BACH2: variants seen among roughly 807,000 people sequenced by gnomAD.
BACH2 encodes the protein transcription regulator protein BACH2.
A neutral mutation model predicts 61.8 loss-of-function variants in BACH2; 5 were observed. The ratio of observed to expected loss-of-function variants is 0.08; its 90% CI spans 0.04 to 0.17. BACH2 has a LOEUF of 0.17. Among genes scored for constraint, BACH2 ranks in the 10% least tolerant of loss-of-function variants. The pLI, the probability that BACH2 is intolerant of heterozygous loss-of-function variation, is 1.00. For synonymous variants in BACH2, 446 were observed against 440.1 expected (o/e 1.01, Z -0.17); for missense variants, 824 against 1,091.1 (o/e 0.76, Z 3.45).
intron 3 of BACH2, among the ~76,000 whole-genome samples, chr6:90,235,960 A>C (rs1562519765): frequency 6.6e-6 from 1 of 152,272 alleles, no homozygotes; most frequent in African/African-American, 2.4e-5. Flanking sequence ...TGCAAGTCAC[A>C]TCTCTCAAAA....
In BACH2 at chr6:90,092,280, TA is replaced by T. The variant is rs200675044; in HGVS notation, c.-161-3172del. ...CTGTGCAATTGGCACACTGTCAAAG[TA>T]AAAAAAAAAAATATATATATATATA... On this transcript the variant is annotated intron_variant, in intron 4 of 8. Coordinates refer to ENST00000257749, the MANE Select transcript of BACH2 (RefSeq NM_021813.4). 5.7e-3 allele frequency among the ~76,000 whole-genome samples: 438 copies of T among 77,204 alleles called. 13 individuals carry two copies. In the East Asian group the frequency reaches 0.06, roughly 11 times the overall value. The allele number at this position is 77,204 out of a possible 152,430, so 50.6% of individuals were successfully genotyped here. A position where few individuals can be genotyped will look rare whatever the true frequency, so the allele number is the denominator to read the frequency against.
chr6:90,016,891 T>A (rs1034314965), intron 5 of BACH2, among the ~76,000 whole-genome samples: 2 of 152,088 alleles, frequency 1.3e-5, no homozygotes, highest in African/African-American at 2.4e-5. Context: ...AAATCTGTCA[T>A]CCTCATCTTT....
intron 7 of BACH2, among the ~76,000 whole-genome samples, chr6:89,949,710 C>T (rs963240571): frequency 4.6e-5 from 7 of 152,066 alleles, no homozygotes; most frequent in African/African-American, 7.2e-5. Context: ...CTGTGATGAC[C>T]CCAGGACCGG....
intron 6 of BACH2, among the ~76,000 whole-genome samples, chr6:89,980,238 G>A (rs1000479584): frequency 2.0e-5 from 3 of 151,742 alleles, no homozygotes; most frequent in African/African-American, 4.8e-5. Flanking sequence ...AGGTTGCAGT[G>A]AGCCGAGATC....
intron 1 of BACH2, among the ~76,000 whole-genome samples, chr6:90,272,560 T>C (rs1277891538): frequency 6.6e-6 from 1 of 152,218 alleles, no homozygotes; most frequent in African/African-American, 2.4e-5. Context: ...CTTCATTTCT[T>C]GCTGCAACAC....
chr6:89,932,715 G>T lies in BACH2; in HGVS notation c.2219C>A (p.Thr740Lys). 6.2e-7 allele frequency: 1 copy of T among 1,614,162 alleles called. No homozygotes were observed. Among genetic ancestry groups the T allele is most frequent in the Non-Finnish European group, 8.5e-7 (1 of 1,180,034 alleles). Residue 740 changes from threonine to lysine, a missense_variant, in exon 9 of 9, where the codon ACG becomes AAG. Physicochemically the swap from Thr to Lys is moderately conservative, Grantham distance 78 (BLOSUM62 -1). Around this residue, in one of 8 missense-constraint regions of BACH2, gnomAD observed 135 missense variants for 142.7 expected, o/e 0.95. Transcript: ENST00000257749. ...GGGCGCAGGGTTAATACTGGAGGCC[G>T]TGGGCAAGTCCATGGGTCTGAGGAC... ...CPVLRPMDLP[T>K]ASSINPAPLG...
chr6:90,097,584 A>G (rs1376677825), intron 4 of BACH2, among the ~76,000 whole-genome samples: 3 of 152,204 alleles, frequency 2.0e-5, no homozygotes, highest in African/African-American at 7.2e-5. Context: ...TTTACCACAT[A>G]AAGATACTTG....
chr6:90,006,917 C>T (rs370351757), intron 6 of BACH2, among the ~76,000 whole-genome samples: 36 of 152,014 alleles, frequency 2.4e-4, no homozygotes, highest in East Asian at 1.2e-3. Context: ...TGCACCTGGC[C>T]CCAGTCCTCA....
At chr6:90,179,242 C>T (rs1002031196) in intron 4 of BACH2, among the ~76,000 whole-genome samples, 1 of 151,924 alleles carries the variant, frequency 6.6e-6, no homozygotes, top group African/African-American at 2.4e-5. Flanking sequence ...AGAAATTGAT[C>T]ACTAATGAAA....
At chr6:89,933,562 T>C (rs292255) in intron 8 of BACH2, among the ~76,000 whole-genome samples, 88,019 of 151,664 alleles carry the variant, frequency 0.58, 26,214 homozygotes, top group Non-Finnish European at 0.64. Flanking sequence ...TGTAGGTTCA[T>C]TGACTAACAC....
intron 4 of BACH2, among the ~76,000 whole-genome samples, chr6:90,154,957 G>A (rs1411311831): frequency 6.6e-6 from 1 of 152,216 alleles, no homozygotes; most frequent in Non-Finnish European, 1.5e-5. Flanking sequence ...GGAAGAACTT[G>A]AAGCAGGCTC....
At chr6:90,245,556 C>G (rs1181285524) in intron 3 of BACH2, among the ~76,000 whole-genome samples, 1 of 152,158 alleles carries the variant, frequency 6.6e-6, no homozygotes, top group Non-Finnish European at 1.5e-5. Context: ...AGAACGAGAT[C>G]CCATCTCTGA....
chr6:90,174,266 A>G (rs1767916474), intron 4 of BACH2, among the ~76,000 whole-genome samples: 1 of 152,074 alleles, frequency 6.6e-6, no homozygotes, highest in Admixed American at 6.5e-5. Flanking sequence ...GGTTGCTTCA[A>G]TATCAATCAG....
At chr6:90,175,150 T>C (rs1767945659) in intron 4 of BACH2, among the ~76,000 whole-genome samples, 1 of 152,154 alleles carries the variant, frequency 6.6e-6, no homozygotes, top group Non-Finnish European at 1.5e-5. Flanking sequence ...AAGAAGTAAA[T>C]GAACCTGAGT....
intron 4 of BACH2, among the ~76,000 whole-genome samples, chr6:90,194,478 A>G (rs1022782429): frequency 1.3e-5 from 2 of 152,208 alleles, no homozygotes; most frequent in African/African-American, 4.8e-5. Context: ...CTCAGAGCTC[A>G]ATTTAGATCA....
At chr6:90,151,292 T>C (rs1784802807) in intron 4 of BACH2, among the ~76,000 whole-genome samples, 1 of 152,186 alleles carries the variant, frequency 6.6e-6, no homozygotes, top group South Asian at 2.1e-4. Context: ...TGCTATATAT[T>C]TTATTTTTTT....
At chr6:90,194,719 G>T (rs1446974233) in intron 4 of BACH2, among the ~76,000 whole-genome samples, 1 of 152,196 alleles carries the variant, frequency 6.6e-6, no homozygotes, top group Non-Finnish European at 1.5e-5. Flanking sequence ...AGAAGCCAAG[G>T]GCCTGAGGAT....
At chr6:90,237,482 C>A (rs1009239249) in intron 3 of BACH2, among the ~76,000 whole-genome samples, 1 of 152,144 alleles carries the variant, frequency 6.6e-6, no homozygotes, top group African/African-American at 2.4e-5. Context: ...TTGAATGTAA[C>A]CAGAGAATTC....
At position 89,951,260 on chromosome 6, in the gene BACH2, T is replaced by C; in HGVS notation, c.846A>G (p.Glu282=). 1 of 1,614,154 alleles carries C rather than the reference T, an allele frequency of 6.2e-7. No homozygotes were observed. The highest frequency in any genetic ancestry group is 8.5e-7 in the Non-Finnish European group (1 of 1,180,038). Reference sequence around the variant, plus strand: ...GCGTGATGCTCTCTTCCTCATTCTCTTCACTGGGCGGCTCACTTTTAATCT... The same window carrying C: ...GCGTGATGCTCTCTTCCTCATTCTCCTCACTGGGCGGCTCACTTTTAATCT... ...RGQIKSEPPS[E]ENEEESITLC... Residue 282 remains glutamate (E), a synonymous_variant, in exon 7 of 9, where the codon GAA becomes GAG. Coordinates refer to ENST00000257749, the MANE Select transcript of BACH2 (RefSeq NM_021813.4). The surrounding 1 kb of genome is among the most constrained non-coding windows in gnomAD (Gnocchi z 6.4).
Sources: gnomAD v4.1 joint callset for allele counts (sites outside exome capture counted in the v4.1 genomes callset) on GRCh38, gnomAD v4.1.1 for gene constraint, gnomAD v4.1.1 regional missense constraint, Gnocchi (gnomAD v3.1) non-coding constraint, MANE v1.5 for transcripts, NCBI Gene and HGNC (gene_info 2026-07-23, HGNC 2026-07-21) for gene names.